The following APC variants were observed in gnomAD, a reference collection of about 807,000 sequenced individuals.
The protein encoded by APC is adenomatous polyposis coli protein.
In APC, 72 loss-of-function variants were observed where a neutral mutation model predicts 247.0. The observed-to-expected ratio is 0.29, with a 90% CI of 0.24 to 0.35. APC has a LOEUF of 0.35. Ranked by LOEUF, APC falls within the 10% of genes least tolerant of loss-of-function variation. The pLI, the probability that APC is intolerant of heterozygous loss-of-function variation, is 1.00. For synonymous variants in APC, 1,254 were observed against 1,162.5 expected (o/e 1.08, Z -1.60); for missense variants, 3,400 against 3,360.7 (o/e 1.01, Z -0.29).
chr5:112,810,295 G>A (rs188780684), intron 8 of APC: 64 of 345,316 alleles, frequency 1.9e-4, no homozygotes, highest in Admixed American at 6.5e-4. Flanking sequence ...AAAAGGTGGC[G>A]ATGGATATAT....
At chr5:112,792,363 T>G (rs1013311158) in intron 6 of APC, 83 bp from the exon 7 acceptor site, 40 of 920,608 alleles carry the variant, frequency 4.3e-5, no homozygotes, top group Non-Finnish European at 6.2e-5. Context: ...ACCCTGAGCT[T>G]TTAAGTGGTA....
At chr5:112,803,164 T>C (rs1423637978) in intron 8 of APC, among the ~76,000 whole-genome samples, 4 of 152,180 alleles carry the variant, frequency 2.6e-5, no homozygotes, top group Non-Finnish European at 5.9e-5. Flanking sequence ...TCTCATATGT[T>C]GCTTTTAATT....
intron 3 of APC, 57 bp downstream of exon 3, chr5:112,766,467 G>A (rs937184733): frequency 1.1e-4 from 128 of 1,210,364 alleles, no homozygotes; most frequent in Non-Finnish European, 1.4e-4. Context: ...GTCATCTTTA[G>A]GTGTGTAGAT....
chr5:112,766,908 A>G (rs1756397921), intron 3 of APC, among the ~76,000 whole-genome samples: 1 of 152,242 alleles, frequency 6.6e-6, no homozygotes, highest in Non-Finnish European at 1.5e-5. Flanking sequence ...CTTGATAATA[A>G]TTGAAGCCAG....
At chr5:112,808,126 C>G (rs563482060) in intron 8 of APC, among the ~76,000 whole-genome samples, 1 of 152,116 alleles carries the variant, frequency 6.6e-6, no homozygotes, top group South Asian at 2.1e-4. Flanking sequence ...CTGCACTCCA[C>G]CCTGGGCAAG....
At chr5:112,723,975 G>T (rs1751627741) in intron 1 of APC, among the ~76,000 whole-genome samples, 1 of 151,488 alleles carries the variant, frequency 6.6e-6, no homozygotes, top group African/African-American at 2.5e-5. Context: ...ATGAAAAAAA[G>T]AGCAGAGTTT....
intron 14 of APC, among the ~76,000 whole-genome samples, chr5:112,834,049 G>T (rs982051513): frequency 1.3e-5 from 2 of 151,438 alleles, no homozygotes; most frequent in African/African-American, 2.4e-5. Flanking sequence ...CCTCCCAGGC[G>T]CAAGTGATCC....
In APC at chr5:112,775,775, A is replaced by G. The variant is rs1438299929; in HGVS notation, c.531+38A>G. 5 of 1,123,648 alleles carry G rather than the reference A, an allele frequency of 4.4e-6. No individual in the cohort carries two copies. In the Admixed American group the frequency reaches 6.2e-5, roughly 14 times the overall value. The allele number at this position is 1,123,648 out of a possible 1,614,324, so 69.6% of individuals were successfully genotyped here. On this transcript the variant is annotated intron_variant, in intron 5 of 15. Coordinates refer to ENST00000257430, the MANE Select transcript of APC (RefSeq NM_000038.6). ...GCAGTACAACTTATTTGAAACTTTA[A>G]TAACTTGATATTTTAAAGTACCTAG...
At chr5:112,828,814 T>A (rs1763999966) in intron 13 of APC, 42 bp from the exon 14 acceptor site, 1 of 1,407,728 alleles carries the variant, frequency 7.1e-7, no homozygotes, top group Admixed American at 1.7e-5. Flanking sequence ...GCAACTAGTA[T>A]GATTTTATGT....
At chr5:112,778,488 T>C (rs1757935350) in intron 5 of APC, 1 of 150,606 alleles carries the variant, frequency 6.6e-6, no homozygotes, top group African/African-American at 2.4e-5. Flanking sequence ...AAAAAGAAAA[T>C]TATATAATCT....
At position 112,842,194 on chromosome 5, in the gene APC, T is replaced by C. The variant is rs1766257195; in HGVS notation, c.6600T>C (p.Thr2200=). 1 of 1,613,172 alleles carries C rather than the reference T, an allele frequency of 6.2e-7. No individual in the cohort carries two copies. ...GGKKVYKSLI[T]GKVRSNSEIS... ...AAAAAGTTTATAAAAGTTTGATTAC[T>C]GGAAAAGTTCGATCTAATTCAGAAA... Residue 2200 remains threonine, a synonymous_variant, in exon 16 of 16, where the codon ACT becomes ACC. Coordinates refer to ENST00000257430, the MANE Select transcript of APC (RefSeq NM_000038.6).
At chr5:112,751,536 CTT>C (rs1244349136) in intron 1 of APC, among the ~76,000 whole-genome samples, 1 of 151,884 alleles carries the variant, frequency 6.6e-6, no homozygotes, top group Non-Finnish European at 1.5e-5. Context: ...GTTTTGGACT[CTT>C]TTTGTAGTTT....
At chr5:112,811,507 G>A (rs967791143) in intron 8 of APC, among the ~76,000 whole-genome samples, 5 of 152,282 alleles carry the variant, frequency 3.3e-5, no homozygotes, top group African/African-American at 4.8e-5. Context: ...TAGAGAATAC[G>A]AGTATGTGTA....
intron 11 of APC, among the ~76,000 whole-genome samples, chr5:112,824,531 T>C (rs1763452438): frequency 6.6e-6 from 1 of 152,218 alleles, no homozygotes; most frequent in Non-Finnish European, 1.5e-5. Context: ...ATTTTCAGTA[T>C]CAAATCCTAA....
At chr5:112,723,572 A>G (rs539571982) in intron 1 of APC, among the ~76,000 whole-genome samples, 1 of 152,308 alleles carries the variant, frequency 6.6e-6, no homozygotes, top group African/African-American at 2.4e-5. Context: ...GGGAGGGGAA[A>G]ACATGAAGAG....
At chr5:112,743,737 T>C (rs1040864936) in intron 1 of APC, among the ~76,000 whole-genome samples, 1 of 152,210 alleles carries the variant, frequency 6.6e-6, no homozygotes, top group South Asian at 2.1e-4. Context: ...GTGGGCGCTT[T>C]GTTGAAACTT....
chr5:112,800,245 G>A (rs1036635942), intron 7 of APC, among the ~76,000 whole-genome samples: 52 of 152,094 alleles, frequency 3.4e-4, no homozygotes, highest in African/African-American at 1.2e-3. Context: ...TGTGGTCTTA[G>A]ATTCATTTTG....
At chr5:112,753,419 T>C (rs1035717859) in intron 1 of APC, among the ~76,000 whole-genome samples, 1 of 152,214 alleles carries the variant, frequency 6.6e-6, no homozygotes, top group African/African-American at 2.4e-5. Flanking sequence ...ATTTTTAGCA[T>C]ACCTTTTTTT....
rs201185479 is a variant in APC at position 112,839,219 on chromosome 5, G to T, written c.3625G>T (p.Glu1209Ter). ...KSSSGQSSKT[E>*]HMSSSSENTS... ...TTCATCTGGACAAAGCAGTAAAACCGAACATATGTCTTCAAGCAGTGAGAA... is the reference window on the plus strand; with the variant it reads ...TTCATCTGGACAAAGCAGTAAAACCTAACATATGTCTTCAAGCAGTGAGAA... Residue 1209 changes from glutamate (E) to a stop codon, truncating the protein, a stop_gained, in exon 16 of 16, where the codon GAA becomes TAA. Transcript: ENST00000257430. LOFTEE classifies it high-confidence loss of function. The surrounding 1 kb of genome is among the most constrained non-coding windows in gnomAD (Gnocchi z 5.0). 6.2e-7 allele frequency: 1 copy of T among 1,614,062 alleles called. No individual in the cohort carries two copies. Among genetic ancestry groups the T allele is most frequent in the South Asian group, 1.1e-5 (1 of 91,060 alleles).
Sources: allele counts gnomAD v4.1 joint callset (sites outside exome capture counted in the v4.1 genomes callset), GRCh38; gene constraint gnomAD v4.1.1; non-coding constraint Gnocchi (gnomAD v3.1); transcripts MANE v1.5; gene names NCBI Gene and HGNC (gene_info 2026-07-23, HGNC 2026-07-21).